SLC26A7: variants seen among roughly 807,000 people sequenced by gnomAD.
SLC26A7 encodes anion exchange transporter.
Under a neutral mutation model 82.5 loss-of-function variants are expected in SLC26A7, and 59 were observed. The ratio of observed to expected loss-of-function variants is 0.72; its 90% CI spans 0.58 to 0.89. SLC26A7 has a LOEUF of 0.89. Among genes scored for constraint, SLC26A7 ranks in the 40% least tolerant of loss-of-function variants. The pLI, the probability that SLC26A7 is intolerant of heterozygous loss-of-function variation, is 0.00. For synonymous variants in SLC26A7, 271 were observed against 274.3 expected (o/e 0.99, Z 0.12); for missense variants, 820 against 793.0 (o/e 1.03, Z -0.41).
intron 15 of SLC26A7, among the ~76,000 whole-genome samples, chr8:91,384,193 G>T (rs75859361): frequency 2.6e-5 from 4 of 152,122 alleles, no homozygotes; most frequent in Non-Finnish European, 5.9e-5. Flanking sequence ...CTTCTGGAGG[G>T]TCTAGAGGAG....
At chr8:91,333,118 G>A (rs149522045) in intron 5 of SLC26A7, among the ~76,000 whole-genome samples, 3 of 152,096 alleles carry the variant, frequency 2.0e-5, no homozygotes, top group African/African-American at 7.2e-5. Flanking sequence ...TGTGCTAGTC[G>A]ATTTAGATGC....
At chr8:91,352,839 C>A in intron 10 of SLC26A7, 62 bp from the exon 11 acceptor site, 1 of 1,284,896 alleles carries the variant, frequency 7.8e-7, no homozygotes. Flanking sequence ...ATACCTTAGC[C>A]CTTTTAAATT....
At chr8:91,287,206 A>G (rs1438685755) in intron 2 of SLC26A7, among the ~76,000 whole-genome samples, 1 of 152,234 alleles carries the variant, frequency 6.6e-6, no homozygotes, top group Non-Finnish European at 1.5e-5. Flanking sequence ...TCTAGAGACC[A>G]TTGAAAAATT....
chr8:91,233,789 C>G (rs1810348280), intron 2 of SLC26A7, among the ~76,000 whole-genome samples: 1 of 152,134 alleles, frequency 6.6e-6, no homozygotes, highest in South Asian at 2.1e-4. Flanking sequence ...GTCATAGAGT[C>G]CTCCAGAAAG....
intron 2 of SLC26A7, among the ~76,000 whole-genome samples, chr8:91,220,155 A>G (rs1810135043): frequency 6.6e-6 from 1 of 152,148 alleles, no homozygotes; most frequent in Admixed American, 6.6e-5. Flanking sequence ...CCCCACTGAG[A>G]CAGAGATGGG....
At chr8:91,225,643 GTTTTTTTTTTTTTTT>G (rs55732709) in intron 2 of SLC26A7, among the ~76,000 whole-genome samples, 9 of 36,132 alleles carry the variant, frequency 2.5e-4, no homozygotes, top group South Asian at 2.1e-3. Context: ...CTAGAAAAGT[GTTTTTTTTTTTTTTT>G]TTTTTTTTTT....
At chr8:91,283,938 C>T (rs1228390071) in intron 2 of SLC26A7, among the ~76,000 whole-genome samples, 4 of 151,940 alleles carry the variant, frequency 2.6e-5, no homozygotes, top group Non-Finnish European at 4.4e-5. Context: ...CTACCATCGC[C>T]GAATGCAGTA....
chr8:91,343,262 A>G, intron 8 of SLC26A7, 91 bp from the exon 9 acceptor site: 2 of 790,498 alleles, frequency 2.5e-6, no homozygotes, highest in Middle Eastern at 3.3e-4. Flanking sequence ...ATCTGAATAC[A>G]AACAAGCCTC....
chr8:91,307,825 T>A (rs959175714), intron 4 of SLC26A7, among the ~76,000 whole-genome samples: 11 of 139,468 alleles, frequency 7.9e-5, no homozygotes, highest in Admixed American at 1.4e-4. Flanking sequence ...ATAAAAAAAA[T>A]AAATTTCTTA....
chr8:91,394,925 C>A, intron 18 of SLC26A7, 137 bp from the exon 19 acceptor site: 1 of 1,040,176 alleles, frequency 9.6e-7, no homozygotes, highest in Non-Finnish European at 1.5e-6. Flanking sequence ...AACTGCTCTA[C>A]TCTGATGCCT....
At chr8:91,220,621 G>A (rs1810145419) in intron 2 of SLC26A7, among the ~76,000 whole-genome samples, 1 of 152,086 alleles carries the variant, frequency 6.6e-6, no homozygotes, top group Non-Finnish European at 1.5e-5. Context: ...CTGTTCCCGT[G>A]CTGGTTTGCT....
chr8:91,283,394 A>G (rs1811625927), intron 2 of SLC26A7, among the ~76,000 whole-genome samples: 2 of 152,182 alleles, frequency 1.3e-5, no homozygotes, highest in Non-Finnish European at 2.9e-5. Flanking sequence ...GTTACCTAGA[A>G]AAGTGCCTCA....
intron 5 of SLC26A7, among the ~76,000 whole-genome samples, chr8:91,330,529 G>T (rs900951694): frequency 7.2e-5 from 11 of 152,108 alleles, no homozygotes; most frequent in Admixed American, 5.9e-4. Flanking sequence ...AACACAAAAA[G>T]TTAGGCTACT....
rs901697415 is a variant in SLC26A7, at chr8:91,395,303, T to A, written c.*206T>A. The A allele has an allele frequency of 7.7e-7, 1 of 1,293,902 alleles. No individual in the cohort carries two copies. Among genetic ancestry groups the A allele is most frequent in the South Asian group, 2.1e-5 (1 of 47,680 alleles). The allele number at this position is 1,293,902 out of a possible 1,614,324, so 80.2% of individuals were successfully genotyped here. ...TTGTTAGTAAGAAGATTCGCTTAGT[T>A]ATTTTATGTAAAAATCAGTATGTGT... On this transcript the variant is annotated 3_prime_UTR_variant, in exon 19 of 19. Coordinates refer to ENST00000276609, the MANE Select transcript of SLC26A7 (RefSeq NM_052832.4).
chr8:91,262,413 G>A (rs1245108508), intron 2 of SLC26A7, among the ~76,000 whole-genome samples: 3 of 152,042 alleles, frequency 2.0e-5, no homozygotes, highest in African/African-American at 7.2e-5. Context: ...CAACAGCAAT[G>A]ATAGATCTGT....
intron 4 of SLC26A7, among the ~76,000 whole-genome samples, chr8:91,314,207 T>A (rs1034013598): frequency 6.6e-6 from 1 of 152,156 alleles, no homozygotes; most frequent in Non-Finnish European, 1.5e-5. Context: ...TAAAAGGAGA[T>A]GATGTGGCTG....
intron 15 of SLC26A7, among the ~76,000 whole-genome samples, chr8:91,379,256 A>G (rs556916656): frequency 7.6e-4 from 116 of 152,258 alleles, no homozygotes; most frequent in African/African-American, 2.5e-3. Flanking sequence ...ACTGATTTAT[A>G]GATTTATATT....
intron 1 of SLC26A7, among the ~76,000 whole-genome samples, chr8:91,212,880 A>G (rs1809958929): frequency 6.6e-6 from 1 of 151,978 alleles, no homozygotes; most frequent in Admixed American, 6.6e-5. Context: ...AAATAACAAA[A>G]CAATTAGAGT....
intron 11 of SLC26A7, among the ~76,000 whole-genome samples, chr8:91,358,996 C>G (rs926687253): frequency 7.9e-5 from 12 of 152,218 alleles, no homozygotes; most frequent in East Asian, 1.9e-4. Context: ...GAGTTAATGG[C>G]TGCAGCACAC....
Sources: gnomAD v4.1 joint callset for allele counts (sites outside exome capture counted in the v4.1 genomes callset) on GRCh38, gnomAD v4.1.1 for gene constraint, MANE v1.5 for transcripts, NCBI Gene and HGNC (gene_info 2026-07-23, HGNC 2026-07-21) for gene names.